SMYD3: variants seen among roughly 807,000 people sequenced by gnomAD.
SMYD3 encodes the protein SET and MYND domain containing 3.
In SMYD3, 36 loss-of-function variants were observed where a neutral mutation model predicts 57.7. The observed-to-expected ratio is 0.62, with a 90% CI of 0.48 to 0.82. SMYD3 has a LOEUF of 0.82. Among genes scored for constraint, SMYD3 ranks in the 40% least tolerant of loss-of-function variants. The probability of loss-of-function intolerance (pLI) is 0.00; values close to 1 mark genes in which losing one functional copy is unlikely to be tolerated. For synonymous variants in SMYD3, 211 were observed against 195.0 expected, an observed-to-expected ratio of 1.08 and a Z score of -0.68; for missense variants, 515 against 538.8, an observed-to-expected ratio of 0.96 and a Z score of 0.44.
At position 245,806,890 on chromosome 1, in the gene SMYD3, C is replaced by T. The variant is rs183225921; in HGVS notation, c.1077-42741G>A. ...GCGCCACTGCAGTCCGCAATCCGGCCTGGGCGACAGAGCGAGACTCCGTCT... is the reference window on the plus strand; with the variant it reads ...GCGCCACTGCAGTCCGCAATCCGGCTTGGGCGACAGAGCGAGACTCCGTCT... On this transcript the variant is annotated intron_variant, in intron 10 of 11. Transcript: ENST00000490107. Among the ~76,000 whole-genome samples the T allele has an allele frequency of 6.2e-3, 748 of 120,270 alleles. 14 individuals are homozygous for T. The highest frequency in any genetic ancestry group is 0.023 in the African/African-American group (708 of 31,094). 78.9% of individuals were successfully genotyped at this position (120,270 alleles called of 152,430 possible). A position where few individuals can be genotyped will look rare whatever the true frequency, so the allele number is the denominator to read the frequency against.
chr1:245,970,997 CAT>C (rs1211308794), intron 5 of SMYD3, among the ~76,000 whole-genome samples: 7 of 152,174 alleles, frequency 4.6e-5, no homozygotes, highest in Non-Finnish European at 7.3e-5. Context: ...CACATGCACA[CAT>C]ATGTTTATTG....
intron 5 of SMYD3, among the ~76,000 whole-genome samples, chr1:246,243,424 A>G (rs904768514): frequency 1.8e-5 from 2 of 109,830 alleles, no homozygotes; most frequent in African/African-American, 6.9e-5. Flanking sequence ...TTCTATCTGA[A>G]GAATTATAAG....
intron 1 of SMYD3, among the ~76,000 whole-genome samples, chr1:246,458,856 G>A (rs1246298734): frequency 1.3e-5 from 2 of 152,048 alleles, no homozygotes. Context: ...ATGTGAAAAT[G>A]TGCTGAATTA....
chr1:246,061,645 G>A (rs145816905), intron 5 of SMYD3, among the ~76,000 whole-genome samples: 44 of 152,220 alleles, frequency 2.9e-4, no homozygotes, highest in African/African-American at 8.9e-4. Context: ...TGGGAGGATC[G>A]CTTGAGCGAG....
intron 5 of SMYD3, among the ~76,000 whole-genome samples, chr1:245,993,183 A>G (rs2058843789): frequency 6.6e-6 from 1 of 152,154 alleles, no homozygotes; most frequent in African/African-American, 2.4e-5. Context: ...TTCTCATCAT[A>G]ACCCTCTGAG....
chr1:246,116,531 A>C (rs1292865363), intron 5 of SMYD3, among the ~76,000 whole-genome samples: 1 of 152,236 alleles, frequency 6.6e-6, no homozygotes, highest in Non-Finnish European at 1.5e-5. Flanking sequence ...AAGAGGCACT[A>C]GTTTCCTGTT....
chr1:245,936,737 A>T (rs1349020577), intron 5 of SMYD3, among the ~76,000 whole-genome samples: 1 of 140,928 alleles, frequency 7.1e-6, no homozygotes, highest in African/African-American at 2.7e-5. Flanking sequence ...ACTATAAAAA[A>T]TACAAAAATT....
intron 5 of SMYD3, among the ~76,000 whole-genome samples, chr1:246,097,098 T>C (rs892310773): frequency 1.3e-5 from 2 of 152,184 alleles, no homozygotes; most frequent in Non-Finnish European, 2.9e-5. Context: ...ATTTGGAAAA[T>C]GCACAAAACA....
chr1:246,458,198 A>C (rs2067732904), intron 1 of SMYD3, among the ~76,000 whole-genome samples: 1 of 152,158 alleles, frequency 6.6e-6, no homozygotes, highest in African/African-American at 2.4e-5. Context: ...TAAAATAATG[A>C]CTGAGCCCAC....
chr1:245,935,071 A>G (rs1051774243), intron 5 of SMYD3, among the ~76,000 whole-genome samples: 2 of 152,240 alleles, frequency 1.3e-5, no homozygotes, highest in African/African-American at 4.8e-5. Flanking sequence ...GGTTGCATCA[A>G]ACTAAAAAGC....
chr1:246,314,767 C>T (rs539877713), intron 5 of SMYD3, among the ~76,000 whole-genome samples: 1 of 152,338 alleles, frequency 6.6e-6, no homozygotes, highest in East Asian at 1.9e-4. Flanking sequence ...CATTTAAACA[C>T]GGACATACAG....
At position 246,094,950 on chromosome 1, in the gene SMYD3, C is replaced by T. The variant is rs35067898; in HGVS notation, c.532-165013G>A. 3.1e-3 allele frequency among the ~76,000 whole-genome samples: 466 copies of T among 152,168 alleles called. 4 individuals carry two copies. Among genetic ancestry groups the T allele is most frequent in the Non-Finnish European group, 4.1e-3 (276 of 68,000 alleles). ...CCTCTTCTGTGGCCCTGAGTGTTTA[C>T]GGCAAGCCCCGCATTGGTATCTCTA... On this transcript the variant is annotated intron_variant, in intron 5 of 11. Coordinates refer to ENST00000490107, the MANE Select transcript of SMYD3 (RefSeq NM_001167740.2).
intron 5 of SMYD3, among the ~76,000 whole-genome samples, chr1:246,316,137 CTT>C (rs1333116054): frequency 1.3e-5 from 2 of 152,150 alleles, no homozygotes; most frequent in Non-Finnish European, 2.9e-5. Flanking sequence ...CAAACAAAAA[CTT>C]TGAACCTGAG....
intron 1 of SMYD3, among the ~76,000 whole-genome samples, chr1:246,358,040 A>G (rs1227952526): frequency 1.3e-5 from 2 of 152,196 alleles, no homozygotes; most frequent in Non-Finnish European, 2.9e-5. Flanking sequence ...ATAAGAATTC[A>G]CCAACTAAAT....
chr1:246,355,255 T>C lies in SMYD3; in HGVS notation c.165-161A>G. ...TGGATTTTCACACTGATGAGCCTCC[T>C]CTTGAACCTTCCATGTGAGACACTG... is the stretch of plus-strand genomic sequence containing the variant. On this transcript the variant is annotated intron_variant, in intron 1 of 11. Transcript: ENST00000490107. The surrounding 1 kb of genome is among the most constrained non-coding windows in gnomAD (Gnocchi z 5.0). The C allele has an allele frequency of 3.1e-6, 2 of 640,120 alleles. No individual in the cohort carries two copies. The highest frequency in any genetic ancestry group is 4.0e-5 in the South Asian group (2 of 49,954). 39.7% of individuals were successfully genotyped at this position (640,120 alleles called of 1,614,324 possible).
chr1:246,482,112 C>T (rs753273345), intron 1 of SMYD3, among the ~76,000 whole-genome samples: 4 of 152,068 alleles, frequency 2.6e-5, no homozygotes, highest in Non-Finnish European at 5.9e-5. Flanking sequence ...GAGCCATGAT[C>T]ATGCCACTGT....
intron 5 of SMYD3, among the ~76,000 whole-genome samples, chr1:246,099,651 C>T (rs1168050893): frequency 3.3e-5 from 5 of 152,020 alleles, no homozygotes; most frequent in African/African-American, 7.2e-5. Context: ...ATGATCCTAA[C>T]GGGTGATTTA....
intron 5 of SMYD3, among the ~76,000 whole-genome samples, chr1:246,026,447 T>C (rs770676967): frequency 6.6e-6 from 1 of 152,208 alleles, no homozygotes; most frequent in Non-Finnish European, 1.5e-5. Context: ...GTTTACTAGA[T>C]AGAAGGTTTG....
intron 10 of SMYD3, among the ~76,000 whole-genome samples, chr1:245,812,120 A>C (rs907896879): frequency 6.6e-6 from 1 of 152,194 alleles, no homozygotes; most frequent in Non-Finnish European, 1.5e-5. Context: ...ACGAGTCTGC[A>C]GGCCACATCA....
Sources: gnomAD v4.1 joint callset for allele counts (sites outside exome capture counted in the v4.1 genomes callset) on GRCh38, gnomAD v4.1.1 for gene constraint, Gnocchi (gnomAD v3.1) non-coding constraint, MANE v1.5 for transcripts, NCBI Gene and HGNC (gene_info 2026-07-23, HGNC 2026-07-21) for gene names.